PTPRM: variants seen among roughly 807,000 people sequenced by gnomAD.
The protein encoded by PTPRM is protein tyrosine phosphatase receptor type M.
Under a neutral mutation model 186.7 loss-of-function variants are expected in PTPRM, and 47 were observed. The observed-to-expected ratio is 0.25, with a 90% CI of 0.20 to 0.32. The LOEUF (loss-of-function observed/expected upper bound fraction) is 0.32, where lower values mean the gene tolerates loss of function less well. PTPRM is among the 10% of genes least tolerant of loss of function. PTPRM has a pLI of 1.00. For missense variants in PTPRM, 1,494 were observed against 1,865.0 expected (o/e 0.80, Z 3.66); for synonymous variants, 668 against 674.9 (o/e 0.99, Z 0.16).
At chr18:7,794,806 TA>T (rs1355131659) in intron 2 of PTPRM, among the ~76,000 whole-genome samples, 1 of 152,168 alleles carries the variant, frequency 6.6e-6, no homozygotes, top group Non-Finnish European at 1.5e-5. Context: ...GGCATCTATT[TA>T]ATATGCCAGG....
chr18:7,897,899 A>C (rs895731606), intron 3 of PTPRM, among the ~76,000 whole-genome samples: 6 of 152,190 alleles, frequency 3.9e-5, no homozygotes, highest in Non-Finnish European at 1.5e-5. Flanking sequence ...AAAAGTGAGG[A>C]AGGTTGTGTT....
At chr18:7,705,275 C>CTATT (rs1260581437) in intron 1 of PTPRM, among the ~76,000 whole-genome samples, 1 of 135,966 alleles carries the variant, frequency 7.4e-6, no homozygotes, top group Non-Finnish European at 1.6e-5. Flanking sequence ...TTGAAAATAT[C>CTATT]TATTTATCTA....
At chr18:8,020,077 G>T (rs2085114957) in intron 7 of PTPRM, among the ~76,000 whole-genome samples, 1 of 152,044 alleles carries the variant, frequency 6.6e-6, no homozygotes, top group Admixed American at 6.6e-5. Flanking sequence ...TAGTATATAT[G>T]AATCAGTCAT....
chr18:8,345,977 A>AG (rs752550684), intron 23 of PTPRM, among the ~76,000 whole-genome samples: 2 of 152,202 alleles, frequency 1.3e-5, no homozygotes, highest in East Asian at 3.8e-4. Context: ...TGACCAGACA[A>AG]GGGGGGAGGT....
chr18:8,226,121 G>A (rs927574407), intron 14 of PTPRM, among the ~76,000 whole-genome samples: 1 of 148,528 alleles, frequency 6.7e-6, no homozygotes, highest in African/African-American at 2.5e-5. Flanking sequence ...TTCTGTAACA[G>A]ATAGCAAATG....
intron 7 of PTPRM, among the ~76,000 whole-genome samples, chr18:8,069,276 CCTT>C (rs1186845977): frequency 6.6e-6 from 1 of 152,156 alleles, no homozygotes; most frequent in African/African-American, 2.4e-5. Flanking sequence ...CCTGGCTCCT[CCTT>C]CATCATTGCT....
chr18:8,138,296 A>G (rs2092684977), intron 13 of PTPRM, among the ~76,000 whole-genome samples: 1 of 150,812 alleles, frequency 6.6e-6, no homozygotes, highest in Non-Finnish European at 1.5e-5. Flanking sequence ...GGATACAGCC[A>G]CAGCCCCACT....
chr18:7,995,226 G>A (rs2083471042), intron 7 of PTPRM, among the ~76,000 whole-genome samples: 1 of 151,988 alleles, frequency 6.6e-6, no homozygotes, highest in Non-Finnish European at 1.5e-5. Context: ...ATAGAATGAG[G>A]AAGAAATAGA....
At position 8,151,178 on chromosome 18, in the gene PTPRM, CTCT is replaced by C. The variant is rs367787334; in HGVS notation, c.2300+7402_2300+7404del. 6.0e-3 allele frequency among the ~76,000 whole-genome samples: 917 copies of C among 152,288 alleles called. 13 individuals carry two copies. Among genetic ancestry groups the C allele is most frequent in the African/African-American group, 0.021 (879 of 41,568 alleles). On this transcript the variant is annotated intron_variant, in intron 14 of 32. Transcript: ENST00000580170. ...ACACTGTGCTGGTAGATCTGCTGTT[CTCT>C]TCAGAGCTGCCAGGTAGGGACATTT...
At chr18:7,792,823 C>T (rs1238606507) in intron 2 of PTPRM, among the ~76,000 whole-genome samples, 1 of 151,846 alleles carries the variant, frequency 6.6e-6, no homozygotes. Context: ...CAACACTACA[C>T]CTGGCTAATT....
At chr18:7,876,220 T>C (rs561557395) in intron 2 of PTPRM, among the ~76,000 whole-genome samples, 150 of 152,226 alleles carry the variant, frequency 9.9e-4, no homozygotes, top group African/African-American at 3.5e-3. Context: ...TTAGTCAAAT[T>C]AAATTTTCAA....
intron 20 of PTPRM, among the ~76,000 whole-genome samples, chr18:8,306,900 G>A (rs550571257): frequency 2.0e-5 from 3 of 152,244 alleles, no homozygotes; most frequent in South Asian, 2.1e-4. Context: ...GTACCCCAAG[G>A]AATAACTGAG....
At chr18:7,972,489 A>AG (rs1310946212) in intron 7 of PTPRM, among the ~76,000 whole-genome samples, 1 of 141,408 alleles carries the variant, frequency 7.1e-6, no homozygotes, top group African/African-American at 2.8e-5. Context: ...TAAAAAAAAA[A>AG]AAAAAGGAGA....
At chr18:8,308,420 A>T (rs1303169522) in intron 20 of PTPRM, among the ~76,000 whole-genome samples, 1 of 152,250 alleles carries the variant, frequency 6.6e-6, no homozygotes, top group African/African-American at 2.4e-5. Flanking sequence ...TGCAAGCCAC[A>T]TGTATAATAT....
intron 1 of PTPRM, among the ~76,000 whole-genome samples, chr18:7,572,155 G>A (rs1012156997): frequency 4.6e-5 from 7 of 152,096 alleles, no homozygotes; most frequent in African/African-American, 1.2e-4. Context: ...AAATTGTTCC[G>A]ATCTAGAAAA....
intron 9 of PTPRM, among the ~76,000 whole-genome samples, chr18:8,081,862 A>G (rs2090147180): frequency 6.6e-6 from 1 of 152,154 alleles, no homozygotes; most frequent in African/African-American, 2.4e-5. Flanking sequence ...GAATTAGTGT[A>G]TACATGTGTT....
intron 16 of PTPRM, 101 bp from the exon 17 acceptor site, chr18:8,248,049 A>G: frequency 7.3e-7 from 1 of 1,368,798 alleles, no homozygotes; most frequent in South Asian, 1.2e-5. Context: ...ATGCGTTTCT[A>G]CAGCTTTCTA....
At chr18:7,589,985 G>A (rs902993779) in intron 1 of PTPRM, among the ~76,000 whole-genome samples, 1 of 152,270 alleles carries the variant, frequency 6.6e-6, no homozygotes, top group South Asian at 2.1e-4. Context: ...TTACACTTGG[G>A]TGGTCTTTCC....
chr18:7,981,021 G>C (rs58209325), intron 7 of PTPRM, among the ~76,000 whole-genome samples: 1 of 152,032 alleles, frequency 6.6e-6, no homozygotes, highest in African/African-American at 2.4e-5. Flanking sequence ...AGTTCCCCTT[G>C]TTTTTCCCCA....
Sources: gnomAD v4.1 joint callset for allele counts (sites outside exome capture counted in the v4.1 genomes callset) on GRCh38, gnomAD v4.1.1 for gene constraint, MANE v1.5 for transcripts, NCBI Gene and HGNC (gene_info 2026-07-23, HGNC 2026-07-21) for gene names.